The following GPAT3 variants were observed in gnomAD, a reference collection of about 807,000 sequenced individuals.
The protein encoded by GPAT3 is 1-AGP acyltransferase 9.
In GPAT3, 53 loss-of-function variants were observed where a neutral mutation model predicts 58.8. The ratio of observed to expected loss-of-function variants is 0.90; its 90% CI spans 0.72 to 1.13. The LOEUF is 1.13. Among genes scored for constraint, GPAT3 ranks in the 50% most tolerant of loss-of-function variants. The probability of loss-of-function intolerance (pLI) is 0.00; values close to 1 mark genes in which losing one functional copy is unlikely to be tolerated. For missense variants in GPAT3, 511 were observed against 527.6 expected (o/e 0.97, Z 0.31); for synonymous variants, 197 against 187.4 (o/e 1.05, Z -0.42).
At chr4:83,563,757 A>C (rs901480705) in intron 2 of GPAT3, among the ~76,000 whole-genome samples, 2 of 152,084 alleles carry the variant, frequency 1.3e-5, no homozygotes, top group African/African-American at 2.4e-5. Context: ...TTAGGATTAC[A>C]GGCATGAGCC....
intron 1 of GPAT3, 68 bp downstream of exon 1, chr4:83,536,831 C>T (rs956515191): frequency 6.7e-7 from 1 of 1,484,140 alleles, no homozygotes; most frequent in East Asian, 2.3e-5. Flanking sequence ...GTCCAGTTCT[C>T]AAGGTCAGTG....
chr4:83,578,674 G>C (rs1263012695), intron 2 of GPAT3, among the ~76,000 whole-genome samples: 1 of 152,148 alleles, frequency 6.6e-6, no homozygotes, highest in Non-Finnish European at 1.5e-5. Context: ...TACTTAGATT[G>C]AGTAATGGGC....
intron 11 of GPAT3, 25 bp downstream of exon 11, chr4:83,598,748 TCAC>T: frequency 2.2e-6 from 1 of 449,148 alleles, no homozygotes. Flanking sequence ...AGAAGTACTA[TCAC>T]TTTTTTTTTT....
At chr4:83,537,897 G>A (rs1034975959) in intron 1 of GPAT3, among the ~76,000 whole-genome samples, 23 of 152,040 alleles carry the variant, frequency 1.5e-4, no homozygotes, top group Non-Finnish European at 7.3e-5. Flanking sequence ...ATCTACTCTT[G>A]TGCCTCATTT....
At chr4:83,569,917 A>G (rs150634824) in intron 2 of GPAT3, among the ~76,000 whole-genome samples, 1 of 152,276 alleles carries the variant, frequency 6.6e-6, no homozygotes, top group East Asian at 1.9e-4. Context: ...GCATGTCTAG[A>G]TTAATGTTAG....
chr4:83,583,962 T>C (rs1410175252), intron 3 of GPAT3, among the ~76,000 whole-genome samples: 1 of 151,954 alleles, frequency 6.6e-6, no homozygotes, highest in Non-Finnish European at 1.5e-5. Flanking sequence ...GAGGTGAGGC[T>C]CCATTTCAAA....
intron 3 of GPAT3, among the ~76,000 whole-genome samples, chr4:83,585,213 T>G (rs1726333449): frequency 6.6e-6 from 1 of 151,974 alleles, no homozygotes; most frequent in Non-Finnish European, 1.5e-5. Context: ...ACACCTTATT[T>G]ATCAAGGTAT....
chr4:83,570,867 T>C (rs1380110540), intron 2 of GPAT3, among the ~76,000 whole-genome samples: 3 of 152,204 alleles, frequency 2.0e-5, no homozygotes, highest in African/African-American at 7.2e-5. Flanking sequence ...AGTGTTCAGA[T>C]ACATGATTTT....
chr4:83,562,512 G>T (rs370947905), intron 2 of GPAT3, among the ~76,000 whole-genome samples: 1 of 151,668 alleles, frequency 6.6e-6, no homozygotes. Flanking sequence ...GATAATGGGG[G>T]CTTGAACCAG....
intron 2 of GPAT3, among the ~76,000 whole-genome samples, chr4:83,561,797 CT>C (rs999343920): frequency 2.0e-5 from 3 of 149,590 alleles, no homozygotes; most frequent in African/African-American, 7.5e-5. Flanking sequence ...TTTTTCCCCC[CT>C]TTTTTGGTAA....
intron 2 of GPAT3, among the ~76,000 whole-genome samples, chr4:83,550,490 T>G (rs1253566161): frequency 6.6e-6 from 1 of 152,214 alleles, no homozygotes; most frequent in Non-Finnish European, 1.5e-5. Context: ...ATCACGAGAT[T>G]CAACATTTGT....
chr4:83,598,787 TAGAG>T, intron 11 of GPAT3, 64 bp downstream of exon 11: 3 of 1,010,006 alleles, frequency 3.0e-6, no homozygotes, highest in East Asian at 3.3e-5. Context: ...TTTTTTTTTT[TAGAG>T]AATGCCTCAC....
rs1332025429 is a variant in GPAT3 at position 83,589,713 on chromosome 4, G to GC, written c.645-481dup. On this transcript the variant is annotated intron_variant, in intron 5 of 11. Transcript: ENST00000264409. ...TGTATTATCAATGGAAAAATCATGGGCCCCCTACCACACTCTCATCACACT... is the reference window on the plus strand; with the variant it reads ...TGTATTATCAATGGAAAAATCATGGGCCCCCCTACCACACTCTCATCACACT... Among the ~76,000 whole-genome samples, 5 of 151,996 alleles carry GC rather than the reference G, an allele frequency of 3.3e-5. No individual in the cohort carries two copies. In the East Asian group the frequency reaches 7.7e-4, roughly 23 times the overall value.
chr4:83,592,420 C>T (rs1217790498), intron 6 of GPAT3, among the ~76,000 whole-genome samples: 4 of 152,152 alleles, frequency 2.6e-5, no homozygotes, highest in Admixed American at 2.0e-4. Context: ...AACATAAACT[C>T]TGTATTGAAA....
chr4:83,552,144 AC>A (rs1234843611), intron 2 of GPAT3, among the ~76,000 whole-genome samples: 1 of 152,148 alleles, frequency 6.6e-6, no homozygotes, highest in Non-Finnish European at 1.5e-5. Flanking sequence ...AAAATACATT[AC>A]CTCTTAGAGC....
At chr4:83,596,757 T>G in intron 7 of GPAT3, 101 bp from the exon 8 acceptor site, 1 of 883,208 alleles carries the variant, frequency 1.1e-6, no homozygotes, top group South Asian at 1.5e-5. Context: ...ATTTTCTCCT[T>G]ATTGCTTCAC....
chr4:83,575,793 T>G (rs778798609), intron 2 of GPAT3, among the ~76,000 whole-genome samples: 17 of 152,230 alleles, frequency 1.1e-4, no homozygotes, highest in Non-Finnish European at 2.1e-4. Flanking sequence ...GTACCTGCTC[T>G]TTTACAGTAC....
At position 83,605,844 on chromosome 4, in the gene GPAT3, T is replaced by G. The variant is rs182556982; in HGVS notation, c.*1077T>G. On this transcript the variant is annotated 3_prime_UTR_variant, in exon 12 of 12. Coordinates refer to ENST00000264409, the MANE Select transcript of GPAT3 (RefSeq NM_032717.5). The stretch of plus-strand genomic sequence containing the variant: ...ACCATGTACAGAATGTGAAACTGTC[T>G]TATGAATATAAATAAATTCTATATT... The G allele has an allele frequency of 1.1e-3, 163 of 152,542 alleles. 1 individual carries two copies. The highest frequency in any genetic ancestry group is 3.3e-3 in the African/African-American group (138 of 41,570). The allele number at this position is 152,542 out of a possible 1,614,324, so 9.4% of individuals were successfully genotyped here. A position where few individuals can be genotyped will look rare whatever the true frequency, so the allele number is the denominator to read the frequency against.
At chr4:83,570,664 G>C (rs1407612783) in intron 2 of GPAT3, among the ~76,000 whole-genome samples, 1 of 151,998 alleles carries the variant, frequency 6.6e-6, no homozygotes, top group Non-Finnish European at 1.5e-5. Context: ...GTGGAGACAG[G>C]GTTTTACTAT....
Sources: allele counts gnomAD v4.1 joint callset (sites outside exome capture counted in the v4.1 genomes callset), GRCh38; gene constraint gnomAD v4.1.1; transcripts MANE v1.5; gene names NCBI Gene and HGNC (gene_info 2026-07-23, HGNC 2026-07-21).